The following SLC25A24 variants were observed in gnomAD, a reference collection of about 807,000 sequenced individuals.
SLC25A24 encodes the protein solute carrier family 25 member 24.
In SLC25A24, 49 loss-of-function variants were observed where a neutral mutation model predicts 60.7. That is an observed-to-expected ratio of 0.81 (90% CI 0.64 to 1.02). SLC25A24 has a LOEUF of 1.02. Among genes scored for constraint, SLC25A24 ranks in the 50% least tolerant of loss-of-function variants. The pLI is 0.00. For synonymous variants in SLC25A24, 202 were observed against 200.6 expected, an observed-to-expected ratio of 1.01 and a Z score of -0.06; for missense variants, 564 against 586.3, an observed-to-expected ratio of 0.96 and a Z score of 0.39.
chr1:108,145,664 T>C (rs1218487363), intron 7 of SLC25A24, among the ~76,000 whole-genome samples: 3 of 152,214 alleles, frequency 2.0e-5, no homozygotes, highest in South Asian at 4.1e-4. Flanking sequence ...ATACATTAAA[T>C]AAGGAATCCT....
chr1:108,167,371 CG>C (rs1680288331), intron 3 of SLC25A24, among the ~76,000 whole-genome samples: 1 of 151,772 alleles, frequency 6.6e-6, no homozygotes, highest in African/African-American at 2.4e-5. Context: ...TGGGCAATGG[CG>C]GGTGCCCCTC....
At chr1:108,172,891 C>T (rs1469450415) in intron 3 of SLC25A24, among the ~76,000 whole-genome samples, 1 of 151,962 alleles carries the variant, frequency 6.6e-6, no homozygotes, top group Non-Finnish European at 1.5e-5. Flanking sequence ...AACACTTTTA[C>T]TGAAGAAGTA....
intron 9 of SLC25A24, among the ~76,000 whole-genome samples, chr1:108,138,643 C>T (rs894198221): frequency 1.1e-4 from 17 of 152,060 alleles, no homozygotes; most frequent in African/African-American, 4.1e-4. Flanking sequence ...TTAACAAACC[C>T]AAGATGCTTT....
intron 6 of SLC25A24, among the ~76,000 whole-genome samples, chr1:108,154,429 G>A (rs913390364): frequency 6.6e-6 from 1 of 152,124 alleles, no homozygotes; most frequent in Non-Finnish European, 1.5e-5. Context: ...AACAAAAGCC[G>A]ACAGAGAAGT....
chr1:108,197,595 T>C (rs1200308087), intron 1 of SLC25A24, among the ~76,000 whole-genome samples: 3 of 152,186 alleles, frequency 2.0e-5, no homozygotes, highest in African/African-American at 4.8e-5. Flanking sequence ...ATGGTTAATT[T>C]TATGTATCAA....
At chr1:108,179,951 ACAT>A (rs1176091874) in intron 3 of SLC25A24, among the ~76,000 whole-genome samples, 1 of 152,226 alleles carries the variant, frequency 6.6e-6, no homozygotes, top group Non-Finnish European at 1.5e-5. Context: ...ATACTTCAAA[ACAT>A]CATGTTGTAC....
chr1:108,145,066 A>G (rs1002906969), intron 7 of SLC25A24, among the ~76,000 whole-genome samples: 3 of 152,092 alleles, frequency 2.0e-5, no homozygotes, highest in African/African-American at 7.2e-5. Flanking sequence ...AAGCATTCCT[A>G]TTTCTCCACA....
Position 108,169,108 on chromosome 1 carries a change from G to A in SLC25A24, c.399-7815C>T, listed in dbSNP as rs528700120. Among the ~76,000 whole-genome samples, 18 of 152,208 alleles carry A rather than the reference G, an allele frequency of 1.2e-4. No homozygotes were observed. The South Asian group carries it at 1.9e-3, about 16-fold the overall frequency. On this transcript the variant is annotated intron_variant, in intron 3 of 9. Coordinates refer to ENST00000565488, the MANE Select transcript of SLC25A24 (RefSeq NM_013386.5). ...AGTTTTGCAAAGCTACTTCTTTCAC[G>A]TGACAAATCCAAAATATGGATGGGT...
rs201095107 is a variant in SLC25A24 at position 108,191,548 on chromosome 1, G to A, written c.184-5594C>T. On this transcript the variant is annotated intron_variant, in intron 1 of 9. Coordinates refer to ENST00000565488, the MANE Select transcript of SLC25A24 (RefSeq NM_013386.5). ...GGTCCACAGAAAGTACACAGTCCAG[G>A]CCTCTGATATAACAGATGAGGATAC... is the stretch of plus-strand genomic sequence containing the variant. Among the ~76,000 whole-genome samples, 2 of 140,284 alleles carry A rather than the reference G, an allele frequency of 1.4e-5. 1 individual carries two copies. Among genetic ancestry groups the A allele is most frequent in the East Asian group, 5.2e-4 (2 of 3,878 alleles). 92.0% of individuals were successfully genotyped at this position (140,284 alleles called of 152,430 possible). A position where few individuals can be genotyped will look rare whatever the true frequency, so the allele number is the denominator to read the frequency against.
At chr1:108,184,210 T>TTA (rs1469752426) in intron 2 of SLC25A24, among the ~76,000 whole-genome samples, 2 of 152,230 alleles carry the variant, frequency 1.3e-5, no homozygotes, top group Admixed American at 6.5e-5. Flanking sequence ...TGTACACTAC[T>TTA]TATGCACTGG....
intron 4 of SLC25A24, among the ~76,000 whole-genome samples, chr1:108,160,920 G>T (rs533087525): frequency 6.6e-6 from 1 of 152,252 alleles, no homozygotes; most frequent in African/African-American, 2.4e-5. Flanking sequence ...GCTTTGGCTC[G>T]GCATCAGAGG....
At chr1:108,165,419 TGG>T (rs1491466489) in intron 3 of SLC25A24, among the ~76,000 whole-genome samples, 66,129 of 151,160 alleles carry the variant, frequency 0.44, 14,506 homozygotes, top group Middle Eastern at 0.58. Context: ...TATTAATGTG[TGG>T]GAGTTTAAGT....
At chr1:108,154,652 G>GA (rs1431900864) in intron 6 of SLC25A24, among the ~76,000 whole-genome samples, 1 of 152,120 alleles carries the variant, frequency 6.6e-6, no homozygotes, top group Non-Finnish European at 1.5e-5. Context: ...CCAGAGGTTA[G>GA]ATTGTGACAC....
At chr1:108,142,023 A>AT (rs1024955765) in intron 8 of SLC25A24, among the ~76,000 whole-genome samples, 7 of 152,196 alleles carry the variant, frequency 4.6e-5, no homozygotes, top group African/African-American at 1.2e-4. Context: ...TTTAATCACA[A>AT]TTTTTTAAAA....
chr1:108,154,641 T>G (rs1001433316), intron 6 of SLC25A24, among the ~76,000 whole-genome samples: 1 of 152,194 alleles, frequency 6.6e-6, no homozygotes, highest in African/African-American at 2.4e-5. Context: ...TAGTTTTCCT[T>G]CCAGAGGTTA....
rs746053129 is a variant in SLC25A24, at chr1:108,136,706, T to C, written c.1381A>G (p.Ser461Gly). The change falls in exon 10 of 10, where the codon AGT becomes GGT. Residue 461 changes from serine (S) to glycine (G), a missense_variant. Transcript: ENST00000565488. ...TTCATATTTTCATAAACCACATAAC[T>C]GATGCCTACAGCAGGGAGCACCTTC... Reference protein sequence around the residue: ...FMKVLPAVGISYVVYENMKQT... With the variant: ...FMKVLPAVGIGYVVYENMKQT... The C allele has an allele frequency of 1.1e-5, 18 of 1,614,174 alleles. No homozygotes were observed. The highest frequency in any genetic ancestry group is 2.2e-5 in the East Asian group (1 of 44,878).
intron 3 of SLC25A24, among the ~76,000 whole-genome samples, chr1:108,176,728 T>A (rs989247916): frequency 6.6e-6 from 1 of 152,116 alleles, no homozygotes. Flanking sequence ...ATGATATATT[T>A]AAAGCGTTCA....
At chr1:108,188,201 GA>G (rs1322140400) in intron 1 of SLC25A24, among the ~76,000 whole-genome samples, 1 of 151,860 alleles carries the variant, frequency 6.6e-6, no homozygotes, top group Non-Finnish European at 1.5e-5. Flanking sequence ...ATAAAGATGG[GA>G]AAAGCAGAAA....
Position 108,134,409 on chromosome 1 carries a change from A to C in SLC25A24, c.*2244T>G, listed in dbSNP as rs961099962. On this transcript the variant is annotated 3_prime_UTR_variant, in exon 10 of 10. Transcript: ENST00000565488. ...CTGCATTATGAAATTTTAAAAAATT[A>C]CTTACCAGTGAATTCAACTTAGAAT... 2 of 152,240 alleles carry C rather than the reference A, an allele frequency of 1.3e-5. No homozygotes were observed. Among genetic ancestry groups the C allele is most frequent in the Non-Finnish European group, 2.9e-5 (2 of 68,040 alleles). 9.4% of individuals were successfully genotyped at this position (152,240 alleles called of 1,614,324 possible). A position where few individuals can be genotyped will look rare whatever the true frequency, so the allele number is the denominator to read the frequency against.
Sources: gnomAD v4.1 joint callset for allele counts (sites outside exome capture counted in the v4.1 genomes callset) on GRCh38, gnomAD v4.1.1 for gene constraint, MANE v1.5 for transcripts, NCBI Gene and HGNC (gene_info 2026-07-23, HGNC 2026-07-21) for gene names.